AUH: variants seen among roughly 807,000 people sequenced by gnomAD.
AUH encodes AU RNA binding methylglutaconyl-CoA hydratase, also known as methylglutaconyl-CoA hydratase, mitochondrial.
A neutral mutation model predicts 42.3 loss-of-function variants in AUH; 29 were observed. The observed-to-expected ratio is 0.69, with a 90% CI of 0.51 to 0.93. The LOEUF (loss-of-function observed/expected upper bound fraction) is 0.93. Among genes scored for constraint, AUH ranks in the 40% least tolerant of loss-of-function variants. AUH has a pLI of 0.00. For synonymous variants in AUH, 174 were observed against 166.4 expected, an observed-to-expected ratio of 1.05 and a Z score of -0.35; for missense variants, 452 against 438.1, an observed-to-expected ratio of 1.03 and a Z score of -0.28.
At chr9:91,267,929 T>C (rs1294616192) in intron 6 of AUH, among the ~76,000 whole-genome samples, 3 of 152,214 alleles carry the variant, frequency 2.0e-5, no homozygotes, top group East Asian at 1.9e-4. Context: ...CCCACAGATA[T>C]TGCACTTTTG....
At chr9:91,254,578 AGAC>A (rs1254771727) in intron 6 of AUH, among the ~76,000 whole-genome samples, 1 of 152,246 alleles carries the variant, frequency 6.6e-6, no homozygotes, top group African/African-American at 2.4e-5. Context: ...AGGTAACAGA[AGAC>A]TAAATTAAAA....
chr9:91,269,806 C>T (rs935464667), intron 6 of AUH, among the ~76,000 whole-genome samples: 29 of 152,326 alleles, frequency 1.9e-4, no homozygotes, highest in Non-Finnish European at 3.2e-4. Context: ...AACACTCGTG[C>T]TCTGGGAAAC....
intron 6 of AUH, among the ~76,000 whole-genome samples, chr9:91,286,641 T>A (rs1296651984): frequency 1.3e-5 from 2 of 151,670 alleles, no homozygotes. Flanking sequence ...TGGCAAAATG[T>A]CTTACCCTAA....
intron 6 of AUH, among the ~76,000 whole-genome samples, chr9:91,228,295 T>C (rs570910283): frequency 8.3e-4 from 126 of 152,376 alleles, no homozygotes; most frequent in African/African-American, 2.8e-3. Flanking sequence ...AGTGTATGTG[T>C]CAAGGAATTT....
At chr9:91,259,430 C>G (rs907499295) in intron 6 of AUH, among the ~76,000 whole-genome samples, 1 of 144,662 alleles carries the variant, frequency 6.9e-6, no homozygotes, top group Non-Finnish European at 1.5e-5. Context: ...ATCAGGTTGG[C>G]TTTTTTTTTT....
intron 4 of AUH, among the ~76,000 whole-genome samples, chr9:91,314,287 T>A (rs1447095698): frequency 2.0e-5 from 3 of 151,910 alleles, no homozygotes; most frequent in Non-Finnish European, 4.4e-5. Flanking sequence ...GGAGGATCAC[T>A]TGAGTCAAGG....
At chr9:91,297,188 C>T (rs572327233) in intron 5 of AUH, among the ~76,000 whole-genome samples, 1 of 152,338 alleles carries the variant, frequency 6.6e-6, no homozygotes, top group South Asian at 2.1e-4. Context: ...AATCTCAGTT[C>T]AGTCACTTCT....
intron 6 of AUH, among the ~76,000 whole-genome samples, chr9:91,253,908 AC>A (rs1204632514): frequency 1.3e-5 from 2 of 152,254 alleles, no homozygotes; most frequent in Non-Finnish European, 2.9e-5. Context: ...ATTTAAGGAG[AC>A]AAGCTATAAA....
chr9:91,353,757 G>C (rs965885108), intron 3 of AUH, among the ~76,000 whole-genome samples: 1 of 132,294 alleles, frequency 7.6e-6, no homozygotes, highest in East Asian at 2.2e-4. Context: ...AGAATGGGGT[G>C]AACCCAGGAG....
rs139324532 is a variant in AUH, at chr9:91,251,438, A to G, written c.656-30446T>C. 3.2e-3 allele frequency among the ~76,000 whole-genome samples: 481 copies of G among 152,170 alleles called. 6 individuals are homozygous for G. Among genetic ancestry groups the G allele is most frequent in the Non-Finnish European group, 2.5e-3 (167 of 67,994 alleles). ...TTCAGAGTGTGAATACTCATAGGAG[A>G]TTTACTCATGATGGGTCTTTACTAT... On this transcript the variant is annotated intron_variant, in intron 6 of 9. Transcript: ENST00000375731.
At chr9:91,346,028 G>A (rs756228232) in intron 3 of AUH, among the ~76,000 whole-genome samples, 7 of 152,000 alleles carry the variant, frequency 4.6e-5, no homozygotes, top group Admixed American at 3.9e-4. Flanking sequence ...ATACTTCGTC[G>A]TTTTTATTCC....
chr9:91,327,369 AC>A (rs1830030657), intron 3 of AUH, among the ~76,000 whole-genome samples: 1 of 151,944 alleles, frequency 6.6e-6, no homozygotes, highest in Non-Finnish European at 1.5e-5. Context: ...TCCCCATATT[AC>A]CCTCACTCTC....
intron 6 of AUH, among the ~76,000 whole-genome samples, chr9:91,233,047 G>C (rs995165431): frequency 3.9e-5 from 6 of 152,132 alleles, no homozygotes; most frequent in Non-Finnish European, 8.8e-5. Context: ...CACTATGGAG[G>C]GACCCTGTTT....
chr9:91,357,715 C>T (rs10991900), intron 1 of AUH, among the ~76,000 whole-genome samples: 32,275 of 151,826 alleles, frequency 0.21, 3,635 homozygotes, highest in East Asian at 0.35. Context: ...AAGTAGGAGT[C>T]AAGGTGAGAG....
rs1442014597 is a variant in AUH, at chr9:91,361,619, G to A, written c.262+9C>T. ...GCTGCCCCGCGCCTGCCCAGCGTTC[G>A]CACCTCACCTCGGTTCTCCTCCTCC... On this transcript the variant is annotated intron_variant, in intron 1 of 9. Transcript: ENST00000375731. The A allele has an allele frequency of 1.9e-6, 3 of 1,576,510 alleles. No homozygotes were observed. The highest frequency in any genetic ancestry group is 1.4e-5 in the African/African-American group (1 of 73,678).
chr9:91,328,583 T>C (rs1830116724), intron 3 of AUH, among the ~76,000 whole-genome samples: 1 of 152,004 alleles, frequency 6.6e-6, no homozygotes, highest in Non-Finnish European at 1.5e-5. Context: ...AGACAAACAC[T>C]GGCAGTGAAG....
chr9:91,325,483 T>TA, intron 3 of AUH, 79 bp from the exon 4 acceptor site: 1 of 1,183,252 alleles, frequency 8.5e-7, no homozygotes, highest in Non-Finnish European at 1.3e-6. Context: ...TTACTTAAGA[T>TA]TAGTATACAA....
rs137925296 is a variant in AUH at position 91,243,610 on chromosome 9, C to T, written c.656-22618G>A. On this transcript the variant is annotated intron_variant, in intron 6 of 9. Coordinates refer to ENST00000375731, the MANE Select transcript of AUH (RefSeq NM_001698.3). ...TTAGGGCTAGTGCTACAAGAAAAGG[C>T]CTGAGACGTGAAAGATGTGGAACTG... Among the ~76,000 whole-genome samples, 239 of 152,306 alleles carry T rather than the reference C, an allele frequency of 1.6e-3. 1 individual carries two copies. Among genetic ancestry groups the T allele is most frequent in the Non-Finnish European group, 2.2e-3 (152 of 68,028 alleles).
intron 6 of AUH, among the ~76,000 whole-genome samples, chr9:91,249,889 G>A (rs1829028645): frequency 1.3e-5 from 2 of 152,062 alleles, no homozygotes; most frequent in South Asian, 4.2e-4. Flanking sequence ...GTGCGTGCCT[G>A]TAGTCCCAGC....
Sources: gnomAD v4.1 joint callset for allele counts (sites outside exome capture counted in the v4.1 genomes callset) on GRCh38, gnomAD v4.1.1 for gene constraint, MANE v1.5 for transcripts, NCBI Gene and HGNC (gene_info 2026-07-23, HGNC 2026-07-21) for gene names.